Variants in SIPA1L1 observed in about 807,000 individuals in gnomAD.
SIPA1L1 encodes the protein signal induced proliferation associated 1 like 1, also known as signal-induced proliferation-associated 1-like protein 1.
A neutral mutation model predicts 162.7 loss-of-function variants in SIPA1L1; 26 were observed. The observed-to-expected ratio is 0.16, with a 90% confidence interval of 0.12 to 0.22. The LOEUF is 0.22. SIPA1L1 is among the 10% of genes least tolerant of loss of function. The pLI, the probability that SIPA1L1 is intolerant of heterozygous loss-of-function variation, is 1.00. For missense variants in SIPA1L1, 1,874 were observed against 2,241.0 expected, an observed-to-expected ratio of 0.84 and a Z score of 3.31; for synonymous variants, 829 against 837.4, an observed-to-expected ratio of 0.99 and a Z score of 0.17.
intron 4 of SIPA1L1, among the ~76,000 whole-genome samples, chr14:71,554,670 A>G (rs1462090966): frequency 6.6e-6 from 1 of 152,152 alleles, no homozygotes. Context: ...TTCTTCATAA[A>G]ATTTTTTGGT....
chr14:71,608,739 A>G (rs1158271650), intron 5 of SIPA1L1, among the ~76,000 whole-genome samples: 1 of 152,070 alleles, frequency 6.6e-6, no homozygotes, highest in Non-Finnish European at 1.5e-5. Context: ...TACTAAAAAT[A>G]CAGAGGTAAG....
intron 2 of SIPA1L1, among the ~76,000 whole-genome samples, chr14:71,343,357 A>G (rs944210130): frequency 2.6e-5 from 4 of 152,162 alleles, no homozygotes; most frequent in Admixed American, 1.3e-4. Context: ...TGGATGAGCT[A>G]TGTATTTCGT....
intron 16 of SIPA1L1, among the ~76,000 whole-genome samples, chr14:71,708,705 T>A (rs75884824): frequency 9.2e-5 from 14 of 152,302 alleles, no homozygotes; most frequent in African/African-American, 3.4e-4. Context: ...CCCCATTGAA[T>A]TGCCTTGGTA....
chr14:71,558,353 G>A (rs904511098), intron 4 of SIPA1L1, among the ~76,000 whole-genome samples: 1 of 152,156 alleles, frequency 6.6e-6, no homozygotes, highest in African/African-American at 2.4e-5. Flanking sequence ...TTCTAAAGAT[G>A]AACCTGGGTT....
rs577556677 is a variant in SIPA1L1 at position 71,505,744 on chromosome 14, G to A, written c.-464-6999G>A. 3.4e-4 allele frequency among the ~76,000 whole-genome samples: 52 copies of A among 152,004 alleles called. 1 individual carries two copies. Among genetic ancestry groups the A allele is most frequent in the Admixed American group, 1.3e-4 (2 of 15,250 alleles). On this transcript the variant is annotated intron_variant, in intron 2 of 23. Coordinates refer to ENST00000381232, the MANE Select transcript of SIPA1L1 (RefSeq NM_001386936.1). ...ACTTTTTGAGCACCAACATGATGCCGCACGTGGAAATTTCCACACCTGACC... is the reference window on the plus strand; with the variant it reads ...ACTTTTTGAGCACCAACATGATGCCACACGTGGAAATTTCCACACCTGACC...
intron 2 of SIPA1L1, among the ~76,000 whole-genome samples, chr14:71,489,208 A>T (rs566709618): frequency 8.5e-5 from 13 of 152,308 alleles, no homozygotes; most frequent in African/African-American, 2.6e-4. Flanking sequence ...GACCTTTGGT[A>T]CATTTGGGGC....
chr14:71,388,341 TTTATC>T (rs547336118), intron 2 of SIPA1L1, among the ~76,000 whole-genome samples: 231 of 152,360 alleles, frequency 1.5e-3, no homozygotes, highest in Non-Finnish European at 2.5e-3. Context: ...TTAAGTCTAA[TTTATC>T]TTATGTATTT....
chr14:71,419,165 T>C (rs1197634840), intron 2 of SIPA1L1, among the ~76,000 whole-genome samples: 1 of 152,118 alleles, frequency 6.6e-6, no homozygotes, highest in African/African-American at 2.4e-5. Flanking sequence ...ATTGGCACTC[T>C]GGATGAGCGT....
At chr14:71,501,278 C>T (rs1341647986) in intron 2 of SIPA1L1, among the ~76,000 whole-genome samples, 1 of 151,866 alleles carries the variant, frequency 6.6e-6, no homozygotes, top group African/African-American at 2.4e-5. Flanking sequence ...CATGTTGAAG[C>T]CACTGCACTC....
chr14:71,688,972 A>G lies in SIPA1L1; in HGVS notation c.3374+3341A>G, dbSNP rs538194261. On this transcript the variant is annotated intron_variant, in intron 13 of 23. Transcript: ENST00000381232. ...AAGTCTACTCCTCCAGTGCTCCCCAAATCTGCCCACTTAAGTAACCATGGA... is the reference window on the plus strand; with the variant it reads ...AAGTCTACTCCTCCAGTGCTCCCCAGATCTGCCCACTTAAGTAACCATGGA... Among the ~76,000 whole-genome samples, 23 of 152,318 alleles carry G rather than the reference A, an allele frequency of 1.5e-4. No homozygotes were observed. In the East Asian group the frequency reaches 4.2e-3, roughly 28 times the overall value.
At chr14:71,586,827 A>G (rs2034672997) in intron 4 of SIPA1L1, 1 of 152,176 alleles carries the variant, frequency 6.6e-6, no homozygotes, top group Non-Finnish European at 1.5e-5. Flanking sequence ...CATTTTGTTC[A>G]TTAGTGAGAT....
rs761503717 is a variant in SIPA1L1 at position 71,685,566 on chromosome 14, T to C, written c.3309T>C (p.Pro1103=). 1.9e-6 allele frequency: 3 copies of C among 1,614,160 alleles called. No homozygotes were observed. The highest frequency in any genetic ancestry group is 2.2e-5 in the South Asian group (2 of 91,074). ...CTGGAAAAGGAGATGGGAAGATGCC[T>C]CCTCCAGAAAGAGCCGCCAACATCC... is the stretch of plus-strand genomic sequence containing the variant. ...LNAGKGDGKM[P]PPERAANIPR... The change falls in exon 13 of 24, where the codon CCT becomes CCC. Residue 1103 remains proline (P), a synonymous_variant. Transcript: ENST00000381232.
At chr14:71,323,241 G>C (rs2140151025) in intron 2 of SIPA1L1, among the ~76,000 whole-genome samples, 1 of 152,292 alleles carries the variant, frequency 6.6e-6, no homozygotes, top group South Asian at 2.1e-4. Context: ...TGTAGACTTC[G>C]GGGGGATCTT....
chr14:71,334,507 G>C (rs952686619), intron 2 of SIPA1L1, among the ~76,000 whole-genome samples: 2 of 152,148 alleles, frequency 1.3e-5, no homozygotes, highest in Non-Finnish European at 2.9e-5. Flanking sequence ...TTATCTCCAG[G>C]GTGTCAGAGG....
intron 2 of SIPA1L1, among the ~76,000 whole-genome samples, chr14:71,369,919 A>T (rs2038718278): frequency 7.7e-6 from 1 of 130,032 alleles, no homozygotes; most frequent in South Asian, 2.7e-4. Context: ...ATTCTCTTTG[A>T]AGCAATTGTG....
chr14:71,404,153 G>T (rs1197812038), intron 2 of SIPA1L1, among the ~76,000 whole-genome samples: 1 of 152,114 alleles, frequency 6.6e-6, no homozygotes, highest in East Asian at 1.9e-4. Flanking sequence ...TTGTAAATTT[G>T]CATTGGATTG....
intron 4 of SIPA1L1, among the ~76,000 whole-genome samples, chr14:71,571,441 A>G (rs975976310): frequency 2.6e-5 from 4 of 152,184 alleles, no homozygotes; most frequent in Admixed American, 6.5e-5. Context: ...AACAACACAA[A>G]GACTACTCCA....
chr14:71,447,763 T>G (rs1283999957), intron 2 of SIPA1L1, among the ~76,000 whole-genome samples: 1 of 151,830 alleles, frequency 6.6e-6, no homozygotes, highest in Non-Finnish European at 1.5e-5. Context: ...GAGACGGGAT[T>G]TTACCATGTT....
At chr14:71,390,785 A>T (rs555121202) in intron 2 of SIPA1L1, among the ~76,000 whole-genome samples, 1 of 152,172 alleles carries the variant, frequency 6.6e-6, no homozygotes, top group Non-Finnish European at 1.5e-5. Flanking sequence ...ATCCCACCTC[A>T]AAAAAACAAA....
Sources: gnomAD v4.1 joint callset for allele counts (sites outside exome capture counted in the v4.1 genomes callset) on GRCh38, gnomAD v4.1.1 for gene constraint, MANE v1.5 for transcripts, NCBI Gene and HGNC (gene_info 2026-07-23, HGNC 2026-07-21) for gene names.